The following TGFBR1 variants were observed in gnomAD, a reference collection of about 807,000 sequenced individuals.
TGFBR1 encodes the protein transforming growth factor beta receptor 1.
TGFBR1 carries 20 observed loss-of-function variants against 55.1 expected under a neutral mutation model. That is an observed-to-expected ratio of 0.36 (90% CI 0.26 to 0.53). TGFBR1 has a LOEUF of 0.53. Among genes scored for constraint, TGFBR1 ranks in the 20% least tolerant of loss-of-function variants. TGFBR1 has a pLI of 0.91. For missense variants in TGFBR1, 385 were observed against 617.6 expected (o/e 0.62, Z 3.99); for synonymous variants, 220 against 214.8 (o/e 1.02, Z -0.21).
At chr9:99,137,642 T>TA (rs1220286790) in intron 3 of TGFBR1, among the ~76,000 whole-genome samples, 9 of 152,312 alleles carry the variant, frequency 5.9e-5, no homozygotes, top group Admixed American at 5.2e-4. Context: ...CTTGACCCTC[T>TA]AGCAGGAGTT....
chr9:99,118,834 T>C (rs943375443), intron 1 of TGFBR1, among the ~76,000 whole-genome samples: 3 of 152,014 alleles, frequency 2.0e-5, no homozygotes, highest in Non-Finnish European at 4.4e-5. Context: ...TTGGCATCTT[T>C]TGTACAATGT....
rs1041966395 is a variant in TGFBR1, at chr9:99,113,117, GAT to G, written c.97+7816_97+7817del. On this transcript the variant is annotated intron_variant, in intron 1 of 8. Transcript: ENST00000374994. ...TTTTTCCCCCACCTCTCTTAGTAAA[GAT>G]GTATATATTCAGAATTACTTGTGAT... Among the ~76,000 whole-genome samples the G allele has an allele frequency of 3.3e-5, 5 of 152,284 alleles. No individual in the cohort carries two copies. The South Asian group carries it at 8.3e-4, about 25-fold the overall frequency.
At chr9:99,145,168 A>G (rs537246045) in intron 6 of TGFBR1, among the ~76,000 whole-genome samples, 8 of 152,342 alleles carry the variant, frequency 5.3e-5, no homozygotes, top group Non-Finnish European at 7.3e-5. Flanking sequence ...CTATGTGCCA[A>G]TCGTCTAATA....
At chr9:99,121,287 G>A (rs541008135) in intron 1 of TGFBR1, among the ~76,000 whole-genome samples, 2 of 152,284 alleles carry the variant, frequency 1.3e-5, no homozygotes, top group Non-Finnish European at 2.9e-5. Flanking sequence ...CCCCAGGAGG[G>A]TTGAATTGAG....
At chr9:99,107,853 A>G (rs768049554) in intron 1 of TGFBR1, among the ~76,000 whole-genome samples, 2 of 152,072 alleles carry the variant, frequency 1.3e-5, no homozygotes, top group East Asian at 3.8e-4. Context: ...TTCACTACAC[A>G]TTTAGTTTTG....
chr9:99,109,695 C>T (rs1315265130), intron 1 of TGFBR1, among the ~76,000 whole-genome samples: 1 of 152,198 alleles, frequency 6.6e-6, no homozygotes, highest in African/African-American at 2.4e-5. Flanking sequence ...GCAGTTCTTC[C>T]TTGGTCATGG....
chr9:99,145,070 C>T (rs1175129590), intron 6 of TGFBR1, among the ~76,000 whole-genome samples, 182 bp downstream of exon 6: 1 of 152,128 alleles, frequency 6.6e-6, no homozygotes, highest in Admixed American at 6.5e-5. Flanking sequence ...TAAAAAGATG[C>T]CTGCTGATGA....
chr9:99,112,136 T>A (rs978998020), intron 1 of TGFBR1, among the ~76,000 whole-genome samples: 1 of 152,118 alleles, frequency 6.6e-6, no homozygotes, highest in Non-Finnish European at 1.5e-5. Flanking sequence ...GGTTTTAATG[T>A]GGAAAAAGAA....
At chr9:99,147,549 A>G (rs1450654496) in intron 7 of TGFBR1, 105 bp from the exon 8 acceptor site, 2 of 1,073,374 alleles carry the variant, frequency 1.9e-6, no homozygotes, top group Non-Finnish European at 2.8e-6. Context: ...CCACATACCT[A>G]CTTTAGTAAT....
rs1450053595 is a variant in TGFBR1, at chr9:99,146,478, T to C, written c.1131-7T>C. On this transcript the variant is annotated splice_polypyrimidine_tract_variant and splice_region_variant and intron_variant, in intron 6 of 8. Transcript: ENST00000374994. ...TTTTCAAAGTTCTTTTTGCAAATTT[T>C]TTTTAGGTACATGGCCCCTGAAGTT... The C allele has an allele frequency of 6.2e-7, 1 of 1,613,852 alleles. No individual in the cohort carries two copies. The highest frequency in any genetic ancestry group is 8.5e-7 in the Non-Finnish European group (1 of 1,179,810).
chr9:99,119,648 T>G (rs935924410), intron 1 of TGFBR1, among the ~76,000 whole-genome samples: 12 of 152,334 alleles, frequency 7.9e-5, no homozygotes, highest in African/African-American at 2.9e-4. Context: ...GCTAATTAGA[T>G]ATTAACTTAT....
chr9:99,104,828 C>A (rs909256313), upstream of TGFBR1, among the ~76,000 whole-genome samples: 1 of 151,366 alleles, frequency 6.6e-6, no homozygotes, highest in African/African-American at 2.4e-5. Flanking sequence ...AGCGGCTGAG[C>A]GGTGCTGGGG....
rs201313404 is a variant in TGFBR1, at chr9:99,153,672, T to C, written c.*4367T>C. On this transcript the variant is annotated 3_prime_UTR_variant, in exon 9 of 9. Transcript: ENST00000374994. ...CAAGTGCCAGTGGCATATTTTAAAA[T>C]AAAGTGTATACGTTGGAATGAGTCA... The C allele has an allele frequency of 1.0e-4, 20 of 198,410 alleles. No homozygotes were observed. In the Admixed American group the frequency reaches 1.0e-3, roughly 10 times the overall value. The allele number at this position is 198,410 out of a possible 1,614,324, so 12.3% of individuals were successfully genotyped here.
intron 7 of TGFBR1, 30 bp from the exon 8 acceptor site, chr9:99,147,624 C>G: frequency 6.2e-7 from 1 of 1,603,814 alleles, no homozygotes; most frequent in Non-Finnish European, 8.5e-7. Flanking sequence ...ATAAATTCAT[C>G]AAAATTTAAT....
At chr9:99,149,045 T>C in intron 8 of TGFBR1, 135 bp from the exon 9 acceptor site, 1 of 921,926 alleles carries the variant, frequency 1.1e-6, no homozygotes, top group South Asian at 1.6e-5. Flanking sequence ...TTCTACTCAT[T>C]TGCTATTACA....
At chr9:99,139,480 C>T (rs1827544916) in intron 4 of TGFBR1, among the ~76,000 whole-genome samples, 1 of 152,194 alleles carries the variant, frequency 6.6e-6, no homozygotes, top group Admixed American at 6.5e-5. Flanking sequence ...AGTGATCCCT[C>T]ATCGTCCAGC....
intron 4 of TGFBR1, among the ~76,000 whole-genome samples, chr9:99,141,246 G>A (rs1827608213): frequency 6.6e-6 from 1 of 152,230 alleles, no homozygotes; most frequent in Non-Finnish European, 1.5e-5. Context: ...AAGCAAGGGT[G>A]CGAGTTTGGT....
chr9:99,133,166 A>G (rs1249274750), intron 3 of TGFBR1, among the ~76,000 whole-genome samples: 2 of 152,250 alleles, frequency 1.3e-5, no homozygotes, highest in African/African-American at 2.4e-5. Flanking sequence ...CAGGCATGAC[A>G]GAAATGTATT....
intron 4 of TGFBR1, among the ~76,000 whole-genome samples, chr9:99,139,924 G>A (rs1827558239): frequency 6.6e-6 from 1 of 152,150 alleles, no homozygotes; most frequent in African/African-American, 2.4e-5. Flanking sequence ...CATTTCCATA[G>A]TGTCTCTTAA....
Sources: allele counts gnomAD v4.1 joint callset (sites outside exome capture counted in the v4.1 genomes callset), GRCh38; gene constraint gnomAD v4.1.1; transcripts MANE v1.5; gene names NCBI Gene and HGNC (gene_info 2026-07-23, HGNC 2026-07-21).